The following DNM3 variants were observed in gnomAD, a reference collection of about 807,000 sequenced individuals.
The protein encoded by DNM3 is dynamin 3, also known as dynamin-3.
Under a neutral mutation model 101.6 loss-of-function variants are expected in DNM3, and 47 were observed. The observed-to-expected ratio is 0.46, with a 90% CI of 0.37 to 0.59. The LOEUF is 0.59. Ranked by LOEUF, DNM3 falls within the 20% of genes least tolerant of loss-of-function variation. The probability of loss-of-function intolerance (pLI) is 0.00; values close to 1 mark genes in which losing one functional copy is unlikely to be tolerated. For missense variants in DNM3, 849 were observed against 1,085.7 expected, an observed-to-expected ratio of 0.78 and a Z score of 3.06; for synonymous variants, 385 against 387.9, an observed-to-expected ratio of 0.99 and a Z score of 0.09.
At chr1:172,011,622 T>C (rs1413650422) in intron 4 of DNM3, among the ~76,000 whole-genome samples, 1 of 152,040 alleles carries the variant, frequency 6.6e-6, no homozygotes, top group Non-Finnish European at 1.5e-5. Flanking sequence ...AAGATATGCC[T>C]GAACTCTGTT....
At chr1:172,080,422 T>G (rs965297033) in intron 11 of DNM3, among the ~76,000 whole-genome samples, 64 of 152,138 alleles carry the variant, frequency 4.2e-4, no homozygotes, top group Non-Finnish European at 6.0e-4. Context: ...TTGCTTACAC[T>G]GTGAGGGGAA....
intron 12 of DNM3, among the ~76,000 whole-genome samples, chr1:172,082,764 G>C (rs2053252179): frequency 6.6e-6 from 1 of 152,184 alleles, no homozygotes; most frequent in Non-Finnish European, 1.5e-5. Flanking sequence ...TGGATATGCA[G>C]ACCCTGTGAC....
In DNM3 at chr1:172,401,361, C is replaced by T. The variant is rs145273032; in HGVS notation, c.2523-6411C>T. On this transcript the variant is annotated intron_variant, in intron 20 of 20. Transcript: ENST00000627582. ...ACCACAGAAGTGGGTATATTAGGCA[C>T]CATGCCTATGGGTGAAATCCAAGTC... Among the ~76,000 whole-genome samples the T allele has an allele frequency of 5.7e-4, 87 of 152,260 alleles. 1 individual carries two copies. In the East Asian group the frequency reaches 0.016, roughly 28 times the overall value.
At chr1:171,860,057 G>C (rs957908593) in intron 1 of DNM3, among the ~76,000 whole-genome samples, 5 of 152,084 alleles carry the variant, frequency 3.3e-5, no homozygotes, top group African/African-American at 4.8e-5. Flanking sequence ...GAGTGCTATG[G>C]TAAGTGACTG....
intron 14 of DNM3, among the ~76,000 whole-genome samples, chr1:172,253,145 A>G (rs1290206693): frequency 6.6e-6 from 1 of 152,166 alleles, no homozygotes; most frequent in African/African-American, 2.4e-5. Context: ...TCATTGAATT[A>G]GGACCAGAAC....
At chr1:172,055,083 C>G (rs996224833) in intron 10 of DNM3, among the ~76,000 whole-genome samples, 3 of 151,642 alleles carry the variant, frequency 2.0e-5, no homozygotes, top group African/African-American at 2.4e-5. Context: ...TCTGAATACA[C>G]ATAACTAAAC....
At chr1:172,089,072 G>A (rs903981484) in intron 12 of DNM3, among the ~76,000 whole-genome samples, 16 of 152,190 alleles carry the variant, frequency 1.1e-4, no homozygotes, top group South Asian at 2.1e-4. Flanking sequence ...ACAAATGTGC[G>A]TGCACACACG....
chr1:171,858,337 C>A (rs2033824157), intron 1 of DNM3, among the ~76,000 whole-genome samples: 1 of 152,032 alleles, frequency 6.6e-6, no homozygotes, highest in Non-Finnish European at 1.5e-5. Flanking sequence ...CATTCTTTCA[C>A]CTGTACTTCT....
chr1:171,925,365 T>C (rs969971276), intron 2 of DNM3, among the ~76,000 whole-genome samples: 1 of 152,070 alleles, frequency 6.6e-6, no homozygotes, highest in Non-Finnish European at 1.5e-5. Context: ...GTAGCTGGGA[T>C]TGCAGGTACC....
In DNM3 at chr1:172,227,738, T is replaced by C. The variant is rs556561319; in HGVS notation, c.1660-25835T>C. 3.4e-4 allele frequency among the ~76,000 whole-genome samples: 52 copies of C among 152,280 alleles called. 1 individual carries two copies. The highest frequency in any genetic ancestry group is 1.2e-3 in the African/African-American group (48 of 41,558). Reference sequence around the variant, plus strand: ...CATTTGTATATCTTCTTTTGAGAAATGAAGATAGATATATTTTGAATTTTG... The same window carrying C: ...CATTTGTATATCTTCTTTTGAGAAACGAAGATAGATATATTTTGAATTTTG... On this transcript the variant is annotated intron_variant, in intron 14 of 20. Transcript: ENST00000627582.
At chr1:172,406,677 AT>A (rs542581188) in intron 20 of DNM3, among the ~76,000 whole-genome samples, 1 of 151,844 alleles carries the variant, frequency 6.6e-6, no homozygotes, top group Admixed American at 6.6e-5. Context: ...TTCAACAACT[AT>A]TTTTTTCAAA....
chr1:171,909,796 G>A (rs1358690428), intron 1 of DNM3, among the ~76,000 whole-genome samples: 8 of 152,160 alleles, frequency 5.3e-5, no homozygotes, highest in Admixed American at 4.6e-4. Flanking sequence ...TTAGAGATGC[G>A]TCAGTGGAAA....
At chr1:172,069,365 G>T (rs947051044) in intron 11 of DNM3, among the ~76,000 whole-genome samples, 2 of 151,812 alleles carry the variant, frequency 1.3e-5, no homozygotes, top group African/African-American at 4.8e-5. Flanking sequence ...GGAGAGAGTG[G>T]ACCTAGATTT....
intron 2 of DNM3, among the ~76,000 whole-genome samples, chr1:171,966,058 T>C (rs1197947416): frequency 6.6e-6 from 1 of 152,158 alleles, no homozygotes; most frequent in Non-Finnish European, 1.5e-5. Flanking sequence ...CAAATATATA[T>C]TTCTTCTTAT....
intron 15 of DNM3, among the ~76,000 whole-genome samples, chr1:172,279,848 A>G (rs2063421272): frequency 6.6e-6 from 1 of 152,076 alleles, no homozygotes; most frequent in African/African-American, 2.4e-5. Context: ...TGCTGTTGTC[A>G]TCCTGCAGTT....
chr1:172,330,083 A>T lies in DNM3; in HGVS notation c.1893+6743A>T, dbSNP rs564636376. On this transcript the variant is annotated intron_variant, in intron 17 of 20. Coordinates refer to ENST00000627582, the MANE Select transcript of DNM3 (RefSeq NM_015569.5). Reference sequence around the variant, plus strand: ...AGGCCAGCTTGAGACTCTGCATTAAATGCCTTGGTTAGGCGCAAACCTTAT... The same window carrying T: ...AGGCCAGCTTGAGACTCTGCATTAATTGCCTTGGTTAGGCGCAAACCTTAT... Among the ~76,000 whole-genome samples the T allele has an allele frequency of 2.0e-5, 3 of 152,328 alleles. No individual in the cohort carries two copies. The East Asian group carries it at 5.8e-4, about 29-fold the overall frequency.
intron 14 of DNM3, among the ~76,000 whole-genome samples, chr1:172,143,178 AAG>A (rs2057680912): frequency 1.3e-5 from 2 of 152,140 alleles, no homozygotes; most frequent in South Asian, 4.1e-4. Flanking sequence ...TATTTTGCTA[AAG>A]AGAACTTGAG....
At chr1:172,009,051 A>G (rs1039892774) in intron 4 of DNM3, among the ~76,000 whole-genome samples, 1 of 138,362 alleles carries the variant, frequency 7.2e-6, no homozygotes, top group East Asian at 2.0e-4. Flanking sequence ...TTTATATATT[A>G]TATAATATAT....
intron 2 of DNM3, among the ~76,000 whole-genome samples, chr1:171,924,982 C>A (rs977796136): frequency 4.0e-5 from 6 of 151,616 alleles, no homozygotes; most frequent in Admixed American, 2.0e-4. Flanking sequence ...TCGCTGCAAC[C>A]TCTGCCTCCT....
Sources: allele counts gnomAD v4.1 joint callset (sites outside exome capture counted in the v4.1 genomes callset), GRCh38; gene constraint gnomAD v4.1.1; transcripts MANE v1.5; gene names NCBI Gene and HGNC (gene_info 2026-07-23, HGNC 2026-07-21).